Variants in CRTAC1 observed in about 807,000 individuals in gnomAD.
CRTAC1 encodes the protein cartilage acidic protein 1, also known as acidic secreted protein in cartilage.
A neutral mutation model predicts 67.8 loss-of-function variants in CRTAC1; 37 were observed. The ratio of observed to expected loss-of-function variants is 0.55; its 90% CI spans 0.42 to 0.72. CRTAC1 has a LOEUF of 0.72. Ranked by LOEUF, CRTAC1 falls within the 30% of genes least tolerant of loss-of-function variation. CRTAC1 has a pLI of 0.00. For missense variants in CRTAC1, 780 were observed against 931.6 expected, an observed-to-expected ratio of 0.84 and a Z score of 2.12; for synonymous variants, 348 against 371.0, an observed-to-expected ratio of 0.94 and a Z score of 0.71.
intron 5 of CRTAC1, among the ~76,000 whole-genome samples, chr10:97,916,812 C>T (rs2050765516): frequency 6.6e-6 from 1 of 152,188 alleles, no homozygotes; most frequent in African/African-American, 2.4e-5. Flanking sequence ...GATTGCTCTG[C>T]CATCAGCAGT....
chr10:97,999,945 G>T (rs2136682443), intron 2 of CRTAC1, among the ~76,000 whole-genome samples: 1 of 152,266 alleles, frequency 6.6e-6, no homozygotes, highest in African/African-American at 2.4e-5. Flanking sequence ...CCTCCTCCCT[G>T]CTGAGAGCTG....
chr10:97,884,229 G>A lies in CRTAC1; in HGVS notation c.1609C>T (p.Leu537Phe). ...ACCTCCAGTGGGGCTGGGTCCTGAA[G>A]TGTGTCCTCATCCCGGGGGTAGAGG... ...EILYPRDEDT[L>F]QDPAPLECGQ... Residue 537 changes from leucine to phenylalanine, a missense_variant, in exon 12 of 15, where the codon CTT becomes TTT. By Grantham distance (22) the Leu-to-Phe change is conservative (BLOSUM62 0). Transcript: ENST00000370597. 6.4e-7 allele frequency: 1 copy of A among 1,570,146 alleles called. No individual in the cohort carries two copies. Among genetic ancestry groups the A allele is most frequent in the Non-Finnish European group, 8.6e-7 (1 of 1,156,494 alleles).
intron 14 of CRTAC1, chr10:97,869,755 G>T (rs2050071069): frequency 6.6e-6 from 1 of 152,306 alleles, no homozygotes; most frequent in Non-Finnish European, 1.5e-5. Flanking sequence ...ACTTTTCTGT[G>T]GCTTCCAGAG....
At chr10:97,938,119 G>A (rs970915074) in intron 2 of CRTAC1, among the ~76,000 whole-genome samples, 1 of 152,176 alleles carries the variant, frequency 6.6e-6, no homozygotes, top group Non-Finnish European at 1.5e-5. Flanking sequence ...CCTGGGGGCT[G>A]AGTCAGCGCC....
chr10:97,969,323 T>C (rs2051669589), intron 2 of CRTAC1, among the ~76,000 whole-genome samples: 1 of 152,098 alleles, frequency 6.6e-6, no homozygotes, highest in Admixed American at 6.6e-5. Flanking sequence ...CTCAGGTGTT[T>C]TGATGCTCCA....
At chr10:97,935,770 G>T (rs952891191) in intron 3 of CRTAC1, among the ~76,000 whole-genome samples, 2 of 152,172 alleles carry the variant, frequency 1.3e-5, no homozygotes, top group Non-Finnish European at 2.9e-5. Flanking sequence ...TAGCATGGAG[G>T]CTGATTCTAG....
intron 2 of CRTAC1, among the ~76,000 whole-genome samples, chr10:97,955,733 G>A (rs2051429257): frequency 6.6e-6 from 1 of 152,184 alleles, no homozygotes; most frequent in African/African-American, 2.4e-5. Context: ...CCAGGATGAT[G>A]ACATGTTCTT....
At chr10:97,927,240 A>C (rs1348693619) in intron 3 of CRTAC1, among the ~76,000 whole-genome samples, 1 of 152,136 alleles carries the variant, frequency 6.6e-6, no homozygotes, top group Non-Finnish European at 1.5e-5. Context: ...TTTCCCAAAG[A>C]GTGCTTTGTG....
At chr10:97,876,446 C>T (rs1019368439) in intron 14 of CRTAC1, among the ~76,000 whole-genome samples, 11 of 152,084 alleles carry the variant, frequency 7.2e-5, no homozygotes, top group African/African-American at 2.2e-4. Context: ...TATTCTTGAG[C>T]AGAATAAAAA....
At chr10:97,962,104 T>C (rs1412648100) in intron 2 of CRTAC1, among the ~76,000 whole-genome samples, 2 of 152,240 alleles carry the variant, frequency 1.3e-5, no homozygotes, top group Admixed American at 6.5e-5. Flanking sequence ...GCAGCCTCTA[T>C]GCTCGCGGTT....
At chr10:97,936,126 G>A in intron 3 of CRTAC1, 44 bp downstream of exon 3, 2 of 1,534,652 alleles carry the variant, frequency 1.3e-6, no homozygotes, top group Non-Finnish European at 1.8e-6. Context: ...CTACTGGGAG[G>A]GAGAAGATGG....
At chr10:97,901,900 CCTGTCCATCCCTT>C (rs1006265899) in intron 7 of CRTAC1, among the ~76,000 whole-genome samples, 1 of 152,206 alleles carries the variant, frequency 6.6e-6, no homozygotes, top group Non-Finnish European at 1.5e-5. Context: ...CTGGATCACA[CCTGTCCATCCCTT>C]CTGTCCATCC....
At chr10:97,986,622 C>A (rs916125677) in intron 2 of CRTAC1, among the ~76,000 whole-genome samples, 2 of 152,208 alleles carry the variant, frequency 1.3e-5, no homozygotes, top group Non-Finnish European at 2.9e-5. Flanking sequence ...ATTACAAAAT[C>A]TTAGAATTGA....
intron 2 of CRTAC1, among the ~76,000 whole-genome samples, chr10:97,978,691 T>G (rs890927137): frequency 2.0e-5 from 3 of 152,152 alleles, no homozygotes; most frequent in African/African-American, 7.2e-5. Context: ...GTCATTCAAG[T>G]CTCAGCTCTA....
rs2051784282 is a variant in CRTAC1 at position 97,975,436 on chromosome 10, G to A, written c.224+35702C>T. ...GCGTGGAGGGGCGGGATGGGGAGCC[G>A]GCAGACCTCGCTTTCTTCTTCTTCT... On this transcript the variant is annotated intron_variant, in intron 2 of 14. Coordinates refer to ENST00000370597, the MANE Select transcript of CRTAC1 (RefSeq NM_018058.7). This position sits in a 1 kb window ranked among gnomAD's most constrained non-coding sequence, Gnocchi z 4.8. Among the ~76,000 whole-genome samples the A allele has an allele frequency of 6.6e-6, 1 of 152,078 alleles. No individual in the cohort carries two copies. Among genetic ancestry groups the A allele is most frequent in the South Asian group, 2.1e-4 (1 of 4,828 alleles).
chr10:97,932,422 C>T (rs993875328), intron 3 of CRTAC1, among the ~76,000 whole-genome samples: 1 of 152,138 alleles, frequency 6.6e-6, no homozygotes, highest in Admixed American at 6.5e-5. Flanking sequence ...AAAGGCACCC[C>T]CATGGAACTA....
chr10:97,956,800 CTT>C (rs879751507), intron 2 of CRTAC1, among the ~76,000 whole-genome samples: 1 of 144,334 alleles, frequency 6.9e-6, no homozygotes, highest in African/African-American at 2.5e-5. Flanking sequence ...CTCTGGAGTT[CTT>C]TTTTTTTTTT....
Position 98,030,448 on chromosome 10 carries a change from C to G in CRTAC1, c.24+1G>C. ...TGGGGGGCACCGGTGCAGATACTCA[C>G]GCCGGGGTCAGCGCTCGGAGCCATC... is the stretch of plus-strand genomic sequence containing the variant. On this transcript the variant is annotated splice_donor_variant, in intron 1 of 14. Coordinates refer to ENST00000370597, the MANE Select transcript of CRTAC1 (RefSeq NM_018058.7). LOFTEE classifies it high-confidence loss of function. This position sits in a 1 kb window ranked among gnomAD's most constrained non-coding sequence, Gnocchi z 4.2. The G allele has an allele frequency of 8.0e-7, 1 of 1,251,034 alleles. No homozygotes were observed. The highest frequency in any genetic ancestry group is 1.0e-6 in the Non-Finnish European group (1 of 989,834). The allele number at this position is 1,251,034 out of a possible 1,614,324, so 77.5% of individuals were successfully genotyped here.
At position 97,975,981 on chromosome 10, in the gene CRTAC1, G is replaced by A. The variant is rs1230076246; in HGVS notation, c.224+35157C>T. ...GGCCCCTATAGAGACCACTGACGTGGAGCCCCCAAACCCAGAGGAAGAGAG... is the reference window on the plus strand; with the variant it reads ...GGCCCCTATAGAGACCACTGACGTGAAGCCCCCAAACCCAGAGGAAGAGAG... On this transcript the variant is annotated intron_variant, in intron 2 of 14. Transcript: ENST00000370597. This position sits in a 1 kb window ranked among gnomAD's most constrained non-coding sequence, Gnocchi z 4.8. 1.3e-5 allele frequency among the ~76,000 whole-genome samples: 2 copies of A among 152,176 alleles called. No homozygotes were observed. Among genetic ancestry groups the A allele is most frequent in the Non-Finnish European group, 2.9e-5 (2 of 68,036 alleles).
Sources: allele counts gnomAD v4.1 joint callset (sites outside exome capture counted in the v4.1 genomes callset), GRCh38; gene constraint gnomAD v4.1.1; non-coding constraint Gnocchi (gnomAD v3.1); transcripts MANE v1.5; gene names NCBI Gene and HGNC (gene_info 2026-07-23, HGNC 2026-07-21).